Variants in POU3F3 observed in about 807,000 individuals in gnomAD.
The protein encoded by POU3F3 is POU domain, class 3, transcription factor 3.
A neutral mutation model predicts 8.6 loss-of-function variants in POU3F3; 1 was observed. That is an observed-to-expected ratio of 0.12 (90% confidence interval 0.04 to 0.55). The LOEUF (loss-of-function observed/expected upper bound fraction) is 0.55, where lower values mean the gene tolerates loss of function less well. Ranked by LOEUF, POU3F3 falls within the 20% of genes least tolerant of loss-of-function variation. The pLI is 0.91. For synonymous variants in POU3F3, 418 were observed against 327.4 expected (o/e 1.28, Z -2.99); for missense variants, 577 against 690.7 (o/e 0.84, Z 1.84).
chr2:104,906,187 G>A, the POU3F3 span, among the ~76,000 whole-genome samples: 6 of 152,092 alleles, frequency 3.9e-5, no homozygotes, highest in Non-Finnish European at 8.8e-5. Context: ...TTGCATCTTT[G>A]ATCCATTTGA....
At chr2:104,875,836 C>T in the POU3F3 span, among the ~76,000 whole-genome samples, 1 of 152,296 alleles carries the variant, frequency 6.6e-6, no homozygotes, top group African/African-American at 2.4e-5. Context: ...CCTGCCTCAG[C>T]CTTCCAAGTA....
At chr2:104,925,610 G>T in the POU3F3 span, among the ~76,000 whole-genome samples, 1 of 152,036 alleles carries the variant, frequency 6.6e-6, no homozygotes, top group Non-Finnish European at 1.5e-5. Flanking sequence ...AAACATCCTC[G>T]AATGCAAAAA....
chr2:104,907,687 C>T, the POU3F3 span, among the ~76,000 whole-genome samples: 3 of 152,092 alleles, frequency 2.0e-5, no homozygotes, highest in African/African-American at 7.2e-5. Context: ...TGGGATTTTC[C>T]AGGTATACAA....
the POU3F3 span, among the ~76,000 whole-genome samples, chr2:104,922,216 T>C: frequency 2.9e-4 from 44 of 152,142 alleles, no homozygotes; most frequent in African/African-American, 1.0e-3. Flanking sequence ...AGTTACTACA[T>C]TATTAGATTC....
the POU3F3 span, among the ~76,000 whole-genome samples, chr2:104,889,068 C>G: frequency 1.3e-5 from 2 of 152,242 alleles, no homozygotes; most frequent in Non-Finnish European, 2.9e-5. Context: ...AGGCCCACCT[C>G]CTTAGCTGTA....
chr2:104,891,894 T>A, the POU3F3 span, among the ~76,000 whole-genome samples: 1 of 152,324 alleles, frequency 6.6e-6, no homozygotes, highest in Non-Finnish European at 1.5e-5. Context: ...CCATCTGAGT[T>A]TTTGCTTTTT....
Position 104,856,296 on chromosome 2 carries a change from G to C in POU3F3, c.786G>C (p.Gly262=), listed in dbSNP as rs1021865933. 2.0e-6 allele frequency: 3 copies of C among 1,486,164 alleles called. No individual in the cohort carries two copies. Among genetic ancestry groups the C allele is most frequent in the Non-Finnish European group, 2.7e-6 (3 of 1,126,200 alleles). The allele number at this position is 1,486,164 out of a possible 1,614,324, so 92.1% of individuals were successfully genotyped here. ...TGGTGCACCCGGGGCTGGTGCGCGGGGACACGCCAGAGCTGGCCGAGCACC... is the reference window on the plus strand; with the variant it reads ...TGGTGCACCCGGGGCTGGTGCGCGGCGACACGCCAGAGCTGGCCGAGCACC... ...QSLVHPGLVR[G]DTPELAEHHH... is the part of the protein sequence containing the mutation. Residue 262 remains glycine (G), a synonymous_variant, in exon 1 of 1, where the codon GGG becomes GGC. Coordinates refer to ENST00000361360, the MANE Select transcript of POU3F3 (RefSeq NM_006236.3).
chr2:104,875,068 C>G, the POU3F3 span, among the ~76,000 whole-genome samples: 2 of 152,168 alleles, frequency 1.3e-5, no homozygotes, highest in African/African-American at 4.8e-5. Flanking sequence ...CTCTAGGGAC[C>G]CCATATTAGT....
chr2:104,905,635 G>A, the POU3F3 span, among the ~76,000 whole-genome samples: 1 of 152,198 alleles, frequency 6.6e-6, no homozygotes, highest in Non-Finnish European at 1.5e-5. Flanking sequence ...GGTTTTAAGA[G>A]GGAATGTGTT....
the POU3F3 span, among the ~76,000 whole-genome samples, chr2:104,878,521 T>C: frequency 6.6e-6 from 1 of 152,384 alleles, no homozygotes; most frequent in South Asian, 2.1e-4. Flanking sequence ...TTCCACATTA[T>C]GCTTTTGTGA....
At chr2:104,903,537 C>G in the POU3F3 span, among the ~76,000 whole-genome samples, 2 of 152,184 alleles carry the variant, frequency 1.3e-5, no homozygotes, top group Non-Finnish European at 2.9e-5. Context: ...CCACAAGGCA[C>G]AGTAATAGGC....
chr2:104,902,978 T>C, the POU3F3 span, among the ~76,000 whole-genome samples: 1 of 152,334 alleles, frequency 6.6e-6, no homozygotes, highest in East Asian at 1.9e-4. Flanking sequence ...TCTCTCATTG[T>C]TATTAATTGT....
At chr2:104,884,362 C>A in the POU3F3 span, among the ~76,000 whole-genome samples, 1 of 152,158 alleles carries the variant, frequency 6.6e-6, no homozygotes, top group Non-Finnish European at 1.5e-5. Flanking sequence ...GGCAGAGGAG[C>A]CCTTCCCTCA....
rs1271099146 is a variant in POU3F3, at chr2:104,857,493, G to A, written c.*480G>A. On this transcript the variant is annotated 3_prime_UTR_variant, in exon 1 of 1. Coordinates refer to ENST00000361360, the MANE Select transcript of POU3F3 (RefSeq NM_006236.3). ...ACCCTGAGATGACCTACACGGCAGC[G>A]GTGGACAGCACCTGCCTCGTCTTCT... The A allele has an allele frequency of 1.3e-5, 2 of 153,612 alleles. No individual in the cohort carries two copies. The highest frequency in any genetic ancestry group is 1.3e-4 in the Admixed American group (2 of 15,264). The allele number at this position is 153,612 out of a possible 1,614,324, so 9.5% of individuals were successfully genotyped here.
the POU3F3 span, among the ~76,000 whole-genome samples, chr2:104,876,727 G>T: frequency 4.6e-5 from 7 of 152,304 alleles, no homozygotes; most frequent in African/African-American, 1.7e-4. Flanking sequence ...TTGACTTGGC[G>T]CATCGAACCA....
chr2:104,900,305 G>T, the POU3F3 span, among the ~76,000 whole-genome samples: 1 of 152,126 alleles, frequency 6.6e-6, no homozygotes, highest in African/African-American at 2.4e-5. Context: ...ATCAAGTGAG[G>T]GCGTCCTTCC....
chr2:104,884,801 C>T, the POU3F3 span, among the ~76,000 whole-genome samples: 573 of 152,242 alleles, frequency 3.8e-3, 6 homozygotes, highest in African/African-American at 0.013. Context: ...TCTTAGTGAT[C>T]GTCTTATTGG....
chr2:104,917,932 C>G, the POU3F3 span, among the ~76,000 whole-genome samples: 3 of 152,154 alleles, frequency 2.0e-5, no homozygotes, highest in African/African-American at 4.8e-5. Flanking sequence ...CAGTATATGA[C>G]CTAGAAGGGC....
chr2:104,903,374 C>G, the POU3F3 span, among the ~76,000 whole-genome samples: 2 of 152,166 alleles, frequency 1.3e-5, no homozygotes, highest in Non-Finnish European at 2.9e-5. Context: ...TGCTATATGC[C>G]TCTATTATAA....
Sources: allele counts gnomAD v4.1 joint callset (sites outside exome capture counted in the v4.1 genomes callset), GRCh38; gene constraint gnomAD v4.1.1; transcripts MANE v1.5; gene names NCBI Gene and HGNC (gene_info 2026-07-23, HGNC 2026-07-21).